Variants in WDHD1 observed in about 807,000 individuals in gnomAD.
WDHD1 encodes WD repeat and HMG-box DNA binding protein 1, also known as WD repeat and HMG-box DNA-binding protein 1.
A neutral mutation model predicts 135.4 loss-of-function variants in WDHD1; 111 were observed. That is an observed-to-expected ratio of 0.82 (90% CI 0.70 to 0.96). WDHD1 has a LOEUF of 0.96. Ranked by LOEUF, WDHD1 falls within the 40% of genes least tolerant of loss-of-function variation. The probability of loss-of-function intolerance (pLI) is 0.00; values close to 1 mark genes in which losing one functional copy is unlikely to be tolerated. For synonymous variants in WDHD1, 434 were observed against 439.0 expected (o/e 0.99, Z 0.14); for missense variants, 1,351 against 1,336.3 (o/e 1.01, Z -0.17).
intron 7 of WDHD1, among the ~76,000 whole-genome samples, chr14:55,004,649 C>T (rs148225510): frequency 2.0e-5 from 3 of 152,290 alleles, no homozygotes; most frequent in East Asian, 1.9e-4. Flanking sequence ...GACAGGGTTT[C>T]GCCATGTTTC....
chr14:55,003,752 C>CA (rs1555371439), intron 7 of WDHD1, among the ~76,000 whole-genome samples: 5 of 151,280 alleles, frequency 3.3e-5, no homozygotes, highest in Non-Finnish European at 7.4e-5. Context: ...TCAGTAGAGA[C>CA]GGGGTCTTAT....
chr14:54,945,548 G>GT (rs1385894250), intron 24 of WDHD1, among the ~76,000 whole-genome samples: 1 of 152,202 alleles, frequency 6.6e-6, no homozygotes, highest in South Asian at 2.1e-4. Context: ...CAAAGTCTAT[G>GT]TTTTTTTGTA....
chr14:55,008,476 T>C, intron 5 of WDHD1, 110 bp from the exon 6 acceptor site: 1 of 1,453,784 alleles, frequency 6.9e-7, no homozygotes, highest in Non-Finnish European at 9.4e-7. Flanking sequence ...TGAAATTTCC[T>C]GCTAACTCTC....
At position 55,015,406 on chromosome 14, in the gene WDHD1, G is replaced by T. The variant is rs1469135591; in HGVS notation, c.78-1810C>A. On this transcript the variant is annotated intron_variant, in intron 2 of 25. Coordinates refer to ENST00000360586, the MANE Select transcript of WDHD1 (RefSeq NM_007086.4). ...AAAAAAAAAAAAAAAAAAAAAAAAA[G>T]GCTAGGGTGGGTTTGGCAGACCTCT... Among the ~76,000 whole-genome samples the T allele has an allele frequency of 7.8e-5, 6 of 76,642 alleles. No homozygotes were observed. In the East Asian group the frequency reaches 1.7e-3, roughly 22 times the overall value. 50.3% of individuals were successfully genotyped at this position (76,642 alleles called of 152,430 possible).
intron 16 of WDHD1, among the ~76,000 whole-genome samples, chr14:54,977,614 A>G (rs2041546151): frequency 6.6e-6 from 1 of 152,192 alleles, no homozygotes; most frequent in African/African-American, 2.4e-5. Flanking sequence ...ACTGTTCAAC[A>G]TTTAAAAAAG....
At position 55,004,869 on chromosome 14, in the gene WDHD1, G is replaced by A. The variant is rs74050278; in HGVS notation, c.600+2411C>T. 4,130 of 515,326 alleles carry A rather than the reference G, an allele frequency of 8.0e-3. 152 individuals carry two copies. Among genetic ancestry groups the A allele is most frequent in the African/African-American group, 0.072 (3,761 of 52,000 alleles). The allele number at this position is 515,326 out of a possible 1,614,324, so 31.9% of individuals were successfully genotyped here. On this transcript the variant is annotated intron_variant, in intron 7 of 25. Transcript: ENST00000360586. ...TCAGTGGTCTGAGCAGTGGGGAGCC[G>A]CAGACCAGTCTTCTGTGGCAGGCTG...
intron 24 of WDHD1, among the ~76,000 whole-genome samples, chr14:54,949,328 C>A (rs2040996590): frequency 6.6e-6 from 1 of 152,126 alleles, no homozygotes; most frequent in Admixed American, 6.6e-5. Flanking sequence ...GAGCTGAAAA[C>A]CATGGCACGA....
rs1478269101 is a variant in WDHD1, at chr14:54,987,371, G to C, written c.1543C>G (p.His515Asp). 5 of 1,612,822 alleles carry C rather than the reference G, an allele frequency of 3.1e-6. No individual in the cohort carries two copies. Among genetic ancestry groups the C allele is most frequent in the Non-Finnish European group, 4.2e-6 (5 of 1,179,584 alleles). The change falls in exon 14 of 26, where the codon CAC becomes GAC. Residue 515 changes from histidine (H) to aspartate (D), a missense_variant. Physicochemically the swap from His to Asp is moderately conservative, Grantham distance 81. This residue lies in a region of WDHD1 where 1,330 missense variants were observed against 1,296.1 expected (regional missense o/e 1.03). Transcript: ENST00000360586. ...DELASKLHCL[H>D]FSSWDSSKEW... is the part of the protein sequence containing the mutation. ...TTGCTTGAATCCCAAGAACTAAAGT[G>C]CAGGCAGTGAAGCTTGCTAAAAATT...
At position 54,967,360 on chromosome 14, in the gene WDHD1, T is replaced by G. The variant is rs2041361586; in HGVS notation, c.2098A>C (p.Thr700Pro). Residue 700 changes from threonine (T) to proline (P), a missense_variant, in exon 17 of 26, where the codon ACC (threonine) becomes CCC (proline). This residue lies in a region of WDHD1 where 1,330 missense variants were observed against 1,296.1 expected (regional missense o/e 1.03). Coordinates refer to ENST00000360586, the MANE Select transcript of WDHD1 (RefSeq NM_007086.4). ...IPCKGSRFPP[T>P]LPRPAVAILS... ...ATAGCAACAGCAGGGCGTGGAAGGG[T>G]TGGGGGAAACCGAGAACCTTTACAA... is the stretch of plus-strand genomic sequence containing the variant. 1 of 1,612,176 alleles carries G rather than the reference T, an allele frequency of 6.2e-7. No individual in the cohort carries two copies. Among genetic ancestry groups the G allele is most frequent in the African/African-American group, 1.3e-5 (1 of 74,930 alleles).
chr14:54,957,509 G>C, intron 22 of WDHD1, 83 bp downstream of exon 22: 1 of 1,243,220 alleles, frequency 8.0e-7, no homozygotes, highest in South Asian at 1.5e-5. Flanking sequence ...CCAAGTCTGG[G>C]GAGAGTCATC....
intron 16 of WDHD1, among the ~76,000 whole-genome samples, chr14:54,978,396 A>C (rs2041561426): frequency 6.6e-6 from 1 of 152,150 alleles, no homozygotes; most frequent in Admixed American, 6.5e-5. Context: ...CAATCTGGGC[A>C]AGATGGTGAG....
intron 2 of WDHD1, among the ~76,000 whole-genome samples, chr14:55,021,260 C>G (rs2042342604): frequency 6.6e-6 from 1 of 152,150 alleles, no homozygotes; most frequent in Non-Finnish European, 1.5e-5. Context: ...TAATCAGAAC[C>G]CTTCTGCCAG....
chr14:54,943,972 C>T (rs1296962370), intron 25 of WDHD1, among the ~76,000 whole-genome samples: 1 of 152,060 alleles, frequency 6.6e-6, no homozygotes, highest in African/African-American at 2.4e-5. Flanking sequence ...ACAAAAAACC[C>T]ATCACCATTA....
chr14:54,947,950 T>C (rs963878854), intron 24 of WDHD1, among the ~76,000 whole-genome samples: 30 of 150,940 alleles, frequency 2.0e-4, no homozygotes, highest in African/African-American at 7.0e-4. Context: ...GAGTGGTGGC[T>C]CACACCTGTA....
chr14:55,014,913 G>GA (rs138866202), intron 2 of WDHD1, among the ~76,000 whole-genome samples: 5 of 151,662 alleles, frequency 3.3e-5, no homozygotes, highest in African/African-American at 4.8e-5. Flanking sequence ...AAAACCACAT[G>GA]AAAAAAAATA....
At chr14:55,024,003 AT>A (rs1016491082) in intron 2 of WDHD1, among the ~76,000 whole-genome samples, 1 of 152,234 alleles carries the variant, frequency 6.6e-6, no homozygotes, top group Non-Finnish European at 1.5e-5. Flanking sequence ...CATAGATTTT[AT>A]GCACTCATGA....
In WDHD1 at chr14:54,987,347, T is replaced by C. The variant is rs1566728043; in HGVS notation, c.1567A>G (p.Lys523Glu). 1 of 1,614,064 alleles carries C rather than the reference T, an allele frequency of 6.2e-7. No individual in the cohort carries two copies. Among genetic ancestry groups the C allele is most frequent in the Non-Finnish European group, 8.5e-7 (1 of 1,180,008 alleles). Residue 523 changes from lysine to glutamate, a missense_variant, in exon 14 of 26, where the codon AAA becomes GAA. By Grantham distance (56) the Lys-to-Glu change is moderately conservative. Coordinates refer to ENST00000360586, the MANE Select transcript of WDHD1 (RefSeq NM_007086.4). ...TGAGGCAAGTCTATTATCCACTCTT[T>C]GCTTGAATCCCAAGAACTAAAGTGC... ...CLHFSSWDSSKEWIIDLPQNE... is the reference protein window; with the variant it reads ...CLHFSSWDSSEEWIIDLPQNE...
Position 54,955,575 on chromosome 14 carries a change from G to A in WDHD1, c.3036C>T (p.Asn1012=), listed in dbSNP as rs1171333909. The A allele has an allele frequency of 1.3e-6, 2 of 1,575,740 alleles. No homozygotes were observed. Among genetic ancestry groups the A allele is most frequent in the East Asian group, 4.7e-5 (2 of 42,500 alleles). ...TATGTACTGACCTTTGGTTTTCAGTGTTTTGAGGAGGACATATAGCTGGGG... is the reference window on the plus strand; with the variant it reads ...TATGTACTGACCTTTGGTTTTCAGTATTTTGAGGAGGACATATAGCTGGGG... ...SETPAICPPQ[N]TENQRPKTGF... Residue 1012 remains asparagine (N), a synonymous_variant, in exon 24 of 26, where the codon AAC becomes AAT. Coordinates refer to ENST00000360586, the MANE Select transcript of WDHD1 (RefSeq NM_007086.4).
chr14:54,966,671 T>C, intron 17 of WDHD1, 65 bp from the exon 18 acceptor site: 1 of 1,491,018 alleles, frequency 6.7e-7, no homozygotes, highest in Non-Finnish European at 9.0e-7. Flanking sequence ...GCGTTAAATA[T>C]TTATCTTAAG....
Sources: allele counts gnomAD v4.1 joint callset (sites outside exome capture counted in the v4.1 genomes callset), GRCh38; gene constraint gnomAD v4.1.1; regional missense constraint gnomAD v4.1.1; transcripts MANE v1.5; gene names NCBI Gene and HGNC (gene_info 2026-07-23, HGNC 2026-07-21).